DACH1: variants seen among roughly 807,000 people sequenced by gnomAD.
DACH1 encodes the protein dachshund homolog 1.
In DACH1, 12 loss-of-function variants were observed where a neutral mutation model predicts 54.2. The observed-to-expected ratio is 0.22, with a 90% CI of 0.14 to 0.36. The LOEUF is 0.36. DACH1 is among the 10% of genes least tolerant of loss of function. The pLI is 1.00. For synonymous variants in DACH1, 386 were observed against 366.2 expected (o/e 1.05, Z -0.62); for missense variants, 805 against 929.8 (o/e 0.87, Z 1.75).
At chr13:71,820,288 C>CACCAT (rs1888134309) in intron 1 of DACH1, among the ~76,000 whole-genome samples, 1 of 151,998 alleles carries the variant, frequency 6.6e-6, no homozygotes, top group African/African-American at 2.4e-5. Context: ...ATCTTAGTAT[C>CACCAT]ACCATACCAT....
intron 4 of DACH1, among the ~76,000 whole-genome samples, chr13:71,561,163 T>G (rs1206617825): frequency 6.6e-6 from 1 of 152,132 alleles, no homozygotes; most frequent in African/African-American, 2.4e-5. Context: ...CATGATGGTT[T>G]GAAATCCTGC....
At chr13:71,637,650 C>T (rs115877815) in intron 2 of DACH1, among the ~76,000 whole-genome samples, 43 of 152,222 alleles carry the variant, frequency 2.8e-4, no homozygotes, top group African/African-American at 1.0e-3. Context: ...GGCATTTTTA[C>T]TAGTTAGAAT....
At chr13:71,732,800 A>G (rs956974956) in intron 1 of DACH1, among the ~76,000 whole-genome samples, 3 of 152,166 alleles carry the variant, frequency 2.0e-5, no homozygotes, top group African/African-American at 7.2e-5. Context: ...GGCAAAGCCT[A>G]CAGATATTTA....
intron 1 of DACH1, among the ~76,000 whole-genome samples, chr13:71,822,481 G>A (rs1029919559): frequency 6.6e-6 from 1 of 152,024 alleles, no homozygotes; most frequent in African/African-American, 2.4e-5. Flanking sequence ...TGTGTATCTC[G>A]TGTATGTTAT....
chr13:71,583,217 T>A (rs563288966), intron 3 of DACH1, among the ~76,000 whole-genome samples: 1 of 152,306 alleles, frequency 6.6e-6, no homozygotes, highest in African/African-American at 2.4e-5. Flanking sequence ...AATGATTCAA[T>A]GTCTGACTCG....
At chr13:71,573,665 C>T (rs1301340199) in intron 3 of DACH1, 4 of 435,852 alleles carry the variant, frequency 9.2e-6, no homozygotes, top group African/African-American at 4.1e-5. Context: ...AAATGTATCA[C>T]ATTTGGAGTT....
intron 1 of DACH1, among the ~76,000 whole-genome samples, chr13:71,794,599 G>A (rs1015635772): frequency 5.3e-5 from 8 of 151,964 alleles, no homozygotes; most frequent in Non-Finnish European, 8.8e-5. Context: ...CACCATGCTC[G>A]GCTAATTTTT....
intron 1 of DACH1, among the ~76,000 whole-genome samples, chr13:71,861,989 C>T (rs1874391600): frequency 6.7e-6 from 1 of 148,990 alleles, no homozygotes; most frequent in Non-Finnish European, 1.5e-5. Flanking sequence ...TCATATATTA[C>T]TACTGAAACA....
At chr13:71,764,979 T>G (rs1382856073) in intron 1 of DACH1, among the ~76,000 whole-genome samples, 1 of 152,208 alleles carries the variant, frequency 6.6e-6, no homozygotes, top group East Asian at 1.9e-4. Context: ...ACTCAAGATT[T>G]TATCTTTAGC....
At chr13:71,617,314 A>G (rs1875855486) in intron 3 of DACH1, among the ~76,000 whole-genome samples, 1 of 152,100 alleles carries the variant, frequency 6.6e-6, no homozygotes, top group Non-Finnish European at 1.5e-5. Flanking sequence ...TTATCAATTT[A>G]TTTCTTTTTT....
chr13:71,671,776 T>C (rs1880221936), intron 2 of DACH1, among the ~76,000 whole-genome samples: 1 of 152,154 alleles, frequency 6.6e-6, no homozygotes, highest in South Asian at 2.1e-4. Flanking sequence ...CCCAGTTTTC[T>C]CTTGAACATT....
chr13:71,771,583 T>C (rs1885855468), intron 1 of DACH1, among the ~76,000 whole-genome samples: 1 of 151,466 alleles, frequency 6.6e-6, no homozygotes, highest in African/African-American at 2.4e-5. Flanking sequence ...GAAACAACAT[T>C]TTTCTTGTTA....
rs869289138 is a variant in DACH1 at position 71,693,296 on chromosome 13, CTTTTTTTT to C, written c.849-11394_849-11387del. Among the ~76,000 whole-genome samples, 3 of 90,962 alleles carry C rather than the reference CTTTTTTTT, an allele frequency of 3.3e-5. 1 individual carries two copies. Among genetic ancestry groups the C allele is most frequent in the East Asian group, 3.7e-4 (1 of 2,728 alleles). 59.7% of individuals were successfully genotyped at this position (90,962 alleles called of 152,430 possible). On this transcript the variant is annotated intron_variant, in intron 1 of 10. Transcript: ENST00000613252. ...AATACCCTCTTATCCATTTGTTTTG[CTTTTTTTT>C]TTTTTTTTTTTTTTTGAGACAAGAG...
chr13:71,598,900 T>A (rs1874300980), intron 3 of DACH1, among the ~76,000 whole-genome samples: 9 of 152,180 alleles, frequency 5.9e-5, no homozygotes, highest in Admixed American at 5.9e-4. Context: ...AGGAGCATAA[T>A]CTTAGCAAAA....
At chr13:71,621,204 C>T (rs150784699) in intron 3 of DACH1, among the ~76,000 whole-genome samples, 19 of 152,056 alleles carry the variant, frequency 1.2e-4, no homozygotes, top group African/African-American at 4.3e-4. Flanking sequence ...GTACACTACA[C>T]TTTTTGGCCG....
intron 3 of DACH1, among the ~76,000 whole-genome samples, chr13:71,607,413 A>C (rs2138507509): frequency 6.6e-6 from 1 of 152,150 alleles, no homozygotes; most frequent in African/African-American, 2.4e-5. Context: ...TAACAATTCT[A>C]AAATTTTTTT....
chr13:71,557,435 T>A (rs186548371), intron 5 of DACH1, among the ~76,000 whole-genome samples: 5 of 152,268 alleles, frequency 3.3e-5, no homozygotes, highest in African/African-American at 1.2e-4. Flanking sequence ...TGTAAATTTT[T>A]AAAATATAAG....
At chr13:71,772,999 C>T (rs985654107) in intron 1 of DACH1, among the ~76,000 whole-genome samples, 3 of 151,636 alleles carry the variant, frequency 2.0e-5, no homozygotes, top group Admixed American at 1.3e-4. Flanking sequence ...CCATTTAATG[C>T]TTTATAATGA....
intron 1 of DACH1, among the ~76,000 whole-genome samples, chr13:71,751,797 T>C (rs923637146): frequency 2.6e-5 from 4 of 152,176 alleles, no homozygotes; most frequent in African/African-American, 9.6e-5. Context: ...TAAGCAATAA[T>C]GCAAACTAAG....
Sources: allele counts gnomAD v4.1 joint callset (sites outside exome capture counted in the v4.1 genomes callset), GRCh38; gene constraint gnomAD v4.1.1; transcripts MANE v1.5; gene names NCBI Gene and HGNC (gene_info 2026-07-23, HGNC 2026-07-21).